Variants in ZMIZ1 observed in about 807,000 individuals in gnomAD.
ZMIZ1 encodes the protein zinc finger MIZ domain-containing protein 1.
A neutral mutation model predicts 113.9 loss-of-function variants in ZMIZ1; 17 were observed. That is an observed-to-expected ratio of 0.15 (90% CI 0.10 to 0.22). The LOEUF is 0.22. Among genes scored for constraint, ZMIZ1 ranks in the 10% least tolerant of loss-of-function variants. The pLI is 1.00. For synonymous variants in ZMIZ1, 607 were observed against 603.1 expected, an observed-to-expected ratio of 1.01 and a Z score of -0.09; for missense variants, 1,059 against 1,477.8, an observed-to-expected ratio of 0.72 and a Z score of 4.65.
At chr10:79,247,640 C>T (rs1850290050) in intron 7 of ZMIZ1, among the ~76,000 whole-genome samples, 1 of 152,222 alleles carries the variant, frequency 6.6e-6, no homozygotes, top group South Asian at 2.1e-4. Context: ...TAGGGTGAGG[C>T]CAGGCCTTAG....
At chr10:79,166,070 T>G (rs903609761) in intron 4 of ZMIZ1, among the ~76,000 whole-genome samples, 1 of 149,510 alleles carries the variant, frequency 6.7e-6, no homozygotes, top group Admixed American at 6.7e-5. Flanking sequence ...CCCGTGGCTG[T>G]CTGTCCTCAT....
At chr10:79,145,702 G>A (rs1261798037) in intron 3 of ZMIZ1, among the ~76,000 whole-genome samples, 2 of 152,212 alleles carry the variant, frequency 1.3e-5, no homozygotes, top group African/African-American at 4.8e-5. Flanking sequence ...CGGAGGGAGG[G>A]GCTTGGCCAG....
chr10:79,180,777 C>T (rs1463645582), intron 4 of ZMIZ1, among the ~76,000 whole-genome samples: 1 of 152,212 alleles, frequency 6.6e-6, no homozygotes, highest in African/African-American at 2.4e-5. Flanking sequence ...TCCTTTCAGA[C>T]AGGGCCATGC....
chr10:79,162,215 C>T (rs1054500145), intron 4 of ZMIZ1, 82 bp downstream of exon 4: 3 of 398,168 alleles, frequency 7.5e-6, no homozygotes, highest in South Asian at 1.3e-4. Context: ...AGCCCTAGCA[C>T]GCTGGACCTT....
chr10:79,165,959 T>TGCGCGCGCGCATGCGCGCGCGC (rs1564692663), intron 4 of ZMIZ1, among the ~76,000 whole-genome samples: 1 of 32,096 alleles, frequency 3.1e-5, no homozygotes, highest in African/African-American at 2.2e-4. Context: ...TGTGTGTGTG[T>TGCGCGCGCGCATGCGCGCGCGC]GTGTGTGTGT....
At chr10:79,243,692 A>G in intron 7 of ZMIZ1, 2 of 306,916 alleles carry the variant, frequency 6.5e-6, no homozygotes, top group South Asian at 2.3e-5. Flanking sequence ...CCGGGCCCCA[A>G]GCCCCCGAGG....
intron 1 of ZMIZ1, among the ~76,000 whole-genome samples, chr10:79,101,551 T>A (rs1264550542): frequency 6.6e-6 from 1 of 152,140 alleles, no homozygotes; most frequent in Non-Finnish European, 1.5e-5. Context: ...GCCCAGTGGA[T>A]GTCTGGTGGC....
intron 4 of ZMIZ1, among the ~76,000 whole-genome samples, chr10:79,192,890 C>T (rs571639421): frequency 6.6e-6 from 1 of 152,214 alleles, no homozygotes; most frequent in Non-Finnish European, 1.5e-5. Context: ...CTGGAAGCAG[C>T]TGGCCCTGTG....
intron 2 of ZMIZ1, among the ~76,000 whole-genome samples, chr10:79,126,614 G>T (rs1267758392): frequency 6.6e-6 from 1 of 152,352 alleles, no homozygotes; most frequent in Non-Finnish European, 1.5e-5. Flanking sequence ...AAAGAAATGA[G>T]GCTGGAGGTG....
In ZMIZ1 at chr10:79,250,869, T is replaced by C. The variant is rs534035163; in HGVS notation, c.281-26312T>C. Reference sequence around the variant, plus strand: ...AGGGTCCCAGGAGCCAACACACGGCTTCTTGTCAAACCCTAGGTCCTGGCA... The same window carrying C: ...AGGGTCCCAGGAGCCAACACACGGCCTCTTGTCAAACCCTAGGTCCTGGCA... On this transcript the variant is annotated intron_variant, in intron 7 of 24. Coordinates refer to ENST00000334512, the MANE Select transcript of ZMIZ1 (RefSeq NM_020338.4). Among the ~76,000 whole-genome samples the C allele has an allele frequency of 2.0e-5, 3 of 152,250 alleles. No individual in the cohort carries two copies. In the East Asian group the frequency reaches 5.8e-4, roughly 29 times the overall value.
intron 15 of ZMIZ1, among the ~76,000 whole-genome samples, chr10:79,298,804 G>T (rs368924437): frequency 6.6e-6 from 1 of 152,208 alleles, no homozygotes; most frequent in Non-Finnish European, 1.5e-5. Context: ...AAATCTATAC[G>T]CAGCCATGGA....
chr10:79,130,934 T>G (rs1464119179), intron 2 of ZMIZ1, among the ~76,000 whole-genome samples: 1 of 152,138 alleles, frequency 6.6e-6, no homozygotes, highest in Non-Finnish European at 1.5e-5. Context: ...GGTCCTTGCA[T>G]TTTTGCCCGG....
chr10:79,070,046 C>T (rs919980788), intron 1 of ZMIZ1, among the ~76,000 whole-genome samples: 2 of 151,804 alleles, frequency 1.3e-5, no homozygotes, highest in South Asian at 4.2e-4. Context: ...AAGTAATTTC[C>T]CCGTGTTCTT....
intron 2 of ZMIZ1, among the ~76,000 whole-genome samples, chr10:79,131,118 C>T (rs1844747529): frequency 6.6e-6 from 1 of 152,214 alleles, no homozygotes; most frequent in Non-Finnish European, 1.5e-5. Context: ...TCCCCCACAG[C>T]TCTGCACAGG....
intron 4 of ZMIZ1, among the ~76,000 whole-genome samples, chr10:79,195,234 C>T (rs1421627706): frequency 1.3e-5 from 2 of 152,226 alleles, no homozygotes; most frequent in African/African-American, 2.4e-5. Context: ...CTGGCCAGCC[C>T]GATCCTGTGC....
At chr10:79,089,156 T>G (rs916312455) in intron 1 of ZMIZ1, among the ~76,000 whole-genome samples, 1 of 151,850 alleles carries the variant, frequency 6.6e-6, no homozygotes, top group African/African-American at 2.4e-5. Context: ...CTTGGGGAGG[T>G]GGACACGTAG....
chr10:79,220,542 T>C (rs1848923384), intron 7 of ZMIZ1, among the ~76,000 whole-genome samples: 1 of 152,224 alleles, frequency 6.6e-6, no homozygotes, highest in African/African-American at 2.4e-5. Context: ...TCAGCCAGTC[T>C]GGGCCACCTG....
chr10:79,156,170 T>C (rs1845897037), intron 3 of ZMIZ1, among the ~76,000 whole-genome samples: 2 of 148,396 alleles, frequency 1.3e-5, no homozygotes, highest in Admixed American at 1.4e-4. Flanking sequence ...ATGAATGAAA[T>C]GAACAACTTC....
At chr10:79,224,969 G>C (rs1435336839) in intron 7 of ZMIZ1, among the ~76,000 whole-genome samples, 1 of 152,236 alleles carries the variant, frequency 6.6e-6, no homozygotes, top group Admixed American at 6.5e-5. Flanking sequence ...AGTGCTGGCA[G>C]CTAGAATGTG....
Sources: gnomAD v4.1 joint callset for allele counts (sites outside exome capture counted in the v4.1 genomes callset) on GRCh38, gnomAD v4.1.1 for gene constraint, MANE v1.5 for transcripts, NCBI Gene and HGNC (gene_info 2026-07-23, HGNC 2026-07-21) for gene names.